The following C6orf118 variants were observed in gnomAD, a reference collection of about 807,000 sequenced individuals.
C6orf118 encodes the protein chromosome 6 open reading frame 118, also known as uncharacterized protein C6orf118.
In C6orf118, 50 loss-of-function variants were observed where a neutral mutation model predicts 50.2. The ratio of observed to expected loss-of-function variants is 1.00; its 90% CI spans 0.79 to 1.26. The LOEUF (loss-of-function observed/expected upper bound fraction) is 1.26, where lower values mean the gene tolerates loss of function less well. C6orf118 is among the 50% of genes most tolerant of loss of function. The pLI is 0.00. For synonymous variants in C6orf118, 239 were observed against 230.9 expected, an observed-to-expected ratio of 1.03 and a Z score of -0.32; for missense variants, 641 against 578.7, an observed-to-expected ratio of 1.11 and a Z score of -1.10.
chr6:165,308,001 C>T (rs1208564285), intron 1 of C6orf118, among the ~76,000 whole-genome samples: 1 of 152,228 alleles, frequency 6.6e-6, no homozygotes, highest in African/African-American at 2.4e-5. Flanking sequence ...CCCCACGCTG[C>T]ACTGTGTGCT....
rs200906549 is a variant in C6orf118 at position 165,298,132 on chromosome 6, A to G, written c.937-31T>C. The G allele has an allele frequency of 2.2e-5, 34 of 1,541,518 alleles. No homozygotes were observed. The Admixed American group carries it at 4.1e-4, about 19-fold the overall frequency. ...CAGGACCAGGTACATGAGGTGAGAC[A>G]AGCACACAGGGAGGGCGGGAGGACT... On this transcript the variant is annotated intron_variant, in intron 4 of 8. Transcript: ENST00000230301.
chr6:165,286,645 A>T (rs537005504), intron 7 of C6orf118, among the ~76,000 whole-genome samples: 1 of 152,314 alleles, frequency 6.6e-6, no homozygotes, highest in South Asian at 2.1e-4. Context: ...GGTAAAATTT[A>T]TCACATAAAC....
At chr6:165,289,287 C>A (rs1334991686) in intron 7 of C6orf118, among the ~76,000 whole-genome samples, 1 of 151,988 alleles carries the variant, frequency 6.6e-6, no homozygotes, top group Non-Finnish European at 1.5e-5. Context: ...TTTCTATATG[C>A]TCTATAATTC....
chr6:165,293,430 G>A lies in C6orf118; in HGVS notation c.1103C>T (p.Ser368Phe). The A allele has an allele frequency of 6.2e-7, 1 of 1,613,958 alleles. No homozygotes were observed. Among genetic ancestry groups the A allele is most frequent in the Non-Finnish European group, 8.5e-7 (1 of 1,179,814 alleles). Reference protein sequence around the residue: ...ELEMEVALLQSAKERSESSEK... With the variant: ...ELEMEVALLQFAKERSESSEK... ...ACACCTGCCTGATCGTTCCTTTGCA[G>A]ACTGCAGCAATGCCACCTCCATCTC... Residue 368 changes from serine to phenylalanine, a missense_variant, in exon 6 of 9, where the codon TCT (serine) becomes TTT (phenylalanine). Physicochemically the swap from Ser to Phe is radical, Grantham distance 155. Transcript: ENST00000230301.
intron 5 of C6orf118, 21 bp from the exon 6 acceptor site, chr6:165,293,492 A>G (rs199961152): frequency 2.6e-5 from 41 of 1,598,342 alleles, no homozygotes; most frequent in Non-Finnish European, 3.2e-5. Context: ...AGGATAAACA[A>G]TAGGGAAATA....
intron 1 of C6orf118, among the ~76,000 whole-genome samples, chr6:165,307,219 AC>A (rs1780770164): frequency 2.3e-5 from 2 of 86,060 alleles, no homozygotes; most frequent in East Asian, 7.6e-4. Flanking sequence ...CACCCCCCCC[AC>A]CCCACCAACC....
intron 7 of C6orf118, among the ~76,000 whole-genome samples, chr6:165,285,260 A>C (rs1015679961): frequency 3.3e-5 from 5 of 152,178 alleles, no homozygotes; most frequent in African/African-American, 1.2e-4. Flanking sequence ...AACAAGAAGA[A>C]CTAACTATCC....
chr6:165,296,657 G>A (rs906357103), intron 5 of C6orf118, among the ~76,000 whole-genome samples: 6 of 152,074 alleles, frequency 3.9e-5, no homozygotes, highest in Admixed American at 6.5e-5. Context: ...TTGGTCCATC[G>A]GTCCTCACTC....
At chr6:165,307,619 T>C (rs552839913) in intron 1 of C6orf118, among the ~76,000 whole-genome samples, 1 of 152,196 alleles carries the variant, frequency 6.6e-6, no homozygotes, top group African/African-American at 2.4e-5. Flanking sequence ...AAACTGAGAA[T>C]CCCATGGAAA....
chr6:165,302,052 G>A lies in C6orf118; in HGVS notation c.270C>T (p.Arg90=), dbSNP rs200236975. The part of the protein sequence containing the change: ...WPNAHRPKGE[R]ASEVGEPPAG... ...CGGGCGGCTCTCCCACCTCAGAGGC[G>A]CGCTCCCCCTTGGGCCGGTGGGCAT... Residue 90 remains arginine (R), a synonymous_variant, in exon 2 of 9, where the codon CGC becomes CGT. Coordinates refer to ENST00000230301, the MANE Select transcript of C6orf118 (RefSeq NM_144980.4). The A allele has an allele frequency of 5.1e-5, 83 of 1,613,648 alleles. No individual in the cohort carries two copies. The highest frequency in any genetic ancestry group is 4.7e-4 in the East Asian group (21 of 44,844).
chr6:165,309,365 T>A (rs1780860204), intron 1 of C6orf118, among the ~76,000 whole-genome samples, 197 bp downstream of exon 1: 1 of 152,248 alleles, frequency 6.6e-6, no homozygotes, highest in Non-Finnish European at 1.5e-5. Flanking sequence ...ACCTCTGTGC[T>A]TTGCGCGCTG....
rs750138991 is a variant in C6orf118, at chr6:165,293,521, T to G, written c.1062-50A>C. 6 of 1,481,348 alleles carry G rather than the reference T, an allele frequency of 4.1e-6. No individual in the cohort carries two copies. In the Admixed American group the frequency reaches 1.1e-4, roughly 26 times the overall value. 91.8% of individuals were successfully genotyped at this position (1,481,348 alleles called of 1,614,324 possible). A position where few individuals can be genotyped will look rare whatever the true frequency, so the allele number is the denominator to read the frequency against. The stretch of plus-strand genomic sequence containing the variant: ...GGAAATATTAGATCCCCATTATATC[T>G]TTTGTCTTTTGTCTGGGTTACACCA... On this transcript the variant is annotated intron_variant, in intron 5 of 8. Coordinates refer to ENST00000230301, the MANE Select transcript of C6orf118 (RefSeq NM_144980.4).
intron 7 of C6orf118, among the ~76,000 whole-genome samples, chr6:165,287,336 T>G (rs184272796): frequency 6.6e-6 from 1 of 152,292 alleles, no homozygotes; most frequent in African/African-American, 2.4e-5. Context: ...ATCAGTATCA[T>G]GAAAATGGCA....
At chr6:165,291,786 A>G (rs1780114036) in intron 6 of C6orf118, among the ~76,000 whole-genome samples, 1 of 152,258 alleles carries the variant, frequency 6.6e-6, no homozygotes, top group Non-Finnish European at 1.5e-5. Context: ...TGCTAAGGCC[A>G]ATTTGTCATC....
chr6:165,281,932 G>A, intron 7 of C6orf118: 1 of 271,834 alleles, frequency 3.7e-6, no homozygotes, highest in Non-Finnish European at 6.9e-6. Context: ...CAAAATATCA[G>A]AAAATTTTAG....
chr6:165,296,248 T>C (rs1370173899), intron 5 of C6orf118, among the ~76,000 whole-genome samples: 2 of 105,798 alleles, frequency 1.9e-5, no homozygotes, highest in Admixed American at 1.8e-4. Context: ...TTTTCGTTTT[T>C]TGTTTTTTTT....
chr6:165,295,831 C>T (rs1780275375), intron 5 of C6orf118, among the ~76,000 whole-genome samples: 1 of 151,990 alleles, frequency 6.6e-6, no homozygotes, highest in Non-Finnish European at 1.5e-5. Flanking sequence ...GGATGCTGCT[C>T]CCTTTCCCTT....
intron 5 of C6orf118, among the ~76,000 whole-genome samples, chr6:165,297,222 A>T (rs1372144818): frequency 6.6e-6 from 1 of 152,046 alleles, no homozygotes; most frequent in Admixed American, 6.5e-5. Flanking sequence ...GGAGTTCAAG[A>T]CCAGACTGGC....
At chr6:165,291,143 A>G (rs184795864) in intron 6 of C6orf118, among the ~76,000 whole-genome samples, 2 of 152,302 alleles carry the variant, frequency 1.3e-5, no homozygotes, top group African/African-American at 4.8e-5. Flanking sequence ...ACAATTCAAG[A>G]TGAGATTTGG....
Sources: allele counts gnomAD v4.1 joint callset (sites outside exome capture counted in the v4.1 genomes callset), GRCh38; gene constraint gnomAD v4.1.1; transcripts MANE v1.5; gene names NCBI Gene and HGNC (gene_info 2026-07-23, HGNC 2026-07-21).